Variants in CNTNAP2 observed in about 807,000 individuals in gnomAD.
CNTNAP2 encodes contactin associated protein 2.
CNTNAP2 carries 98 observed loss-of-function variants against 155.2 expected under a neutral mutation model. The ratio of observed to expected loss-of-function variants is 0.63; its 90% CI spans 0.54 to 0.75. CNTNAP2 has a LOEUF of 0.75. CNTNAP2 is among the 30% of genes least tolerant of loss of function. The pLI, the probability that CNTNAP2 is intolerant of heterozygous loss-of-function variation, is 0.00. For missense variants in CNTNAP2, 1,727 were observed against 1,688.1 expected, an observed-to-expected ratio of 1.02 and a Z score of -0.40; for synonymous variants, 651 against 631.2, an observed-to-expected ratio of 1.03 and a Z score of -0.47.
rs116456953 is a variant in CNTNAP2, at chr7:146,866,932, T to C, written c.402+27028T>C. 5.0e-3 allele frequency among the ~76,000 whole-genome samples: 757 copies of C among 152,252 alleles called. 5 individuals are homozygous for C. The highest frequency in any genetic ancestry group is 0.017 in the African/African-American group (714 of 41,566). ...TCTTCTAAAACATTGTAATATCATA[T>C]ATATTACATATCATTTTATAAACAT... On this transcript the variant is annotated intron_variant, in intron 3 of 23. Coordinates refer to ENST00000361727, the MANE Select transcript of CNTNAP2 (RefSeq NM_014141.6).
chr7:146,833,871 G>A (rs1329494163), intron 2 of CNTNAP2, among the ~76,000 whole-genome samples: 1 of 152,098 alleles, frequency 6.6e-6, no homozygotes, highest in African/African-American at 2.4e-5. Flanking sequence ...TGTGCATAGA[G>A]ATGTTTATCT....
At chr7:147,637,019 T>G (rs1795191992) in intron 12 of CNTNAP2, among the ~76,000 whole-genome samples, 1 of 151,850 alleles carries the variant, frequency 6.6e-6, no homozygotes, top group African/African-American at 2.4e-5. Context: ...GAATGAAAGG[T>G]CCATATGGCT....
chr7:146,193,466 A>G (rs900130748), intron 1 of CNTNAP2, among the ~76,000 whole-genome samples: 2 of 152,344 alleles, frequency 1.3e-5, no homozygotes, highest in Non-Finnish European at 2.9e-5. Flanking sequence ...TCAGTGCCAC[A>G]TGGAGGCTGC....
intron 1 of CNTNAP2, among the ~76,000 whole-genome samples, chr7:146,394,057 T>C (rs1442940060): frequency 6.6e-6 from 1 of 151,978 alleles, no homozygotes; most frequent in African/African-American, 2.4e-5. Flanking sequence ...TCCAAAGGAG[T>C]TGATAGATGT....
rs113337200 is a variant in CNTNAP2, at chr7:146,798,007, C to T, written c.208+23626C>T. Among the ~76,000 whole-genome samples the T allele has an allele frequency of 5.9e-4, 88 of 147,982 alleles. 4 individuals are homozygous for T. The highest frequency in any genetic ancestry group is 2.2e-3 in the African/African-American group (82 of 37,382). ...TGATATTTTTGGCCGAGTGTGGTGG[C>T]TTACAGCTGTAATCCCAGCACTTTG... On this transcript the variant is annotated intron_variant, in intron 2 of 23. Coordinates refer to ENST00000361727, the MANE Select transcript of CNTNAP2 (RefSeq NM_014141.6).
intron 9 of CNTNAP2, among the ~76,000 whole-genome samples, chr7:147,393,707 T>C (rs1479323000): frequency 6.6e-6 from 1 of 151,966 alleles, no homozygotes; most frequent in Non-Finnish European, 1.5e-5. Flanking sequence ...GAAAAAAATG[T>C]GGTTGACTAG....
At chr7:148,024,823 G>A (rs2116923145) in intron 15 of CNTNAP2, among the ~76,000 whole-genome samples, 1 of 152,292 alleles carries the variant, frequency 6.6e-6, no homozygotes, top group East Asian at 1.9e-4. Context: ...GGCCACACCA[G>A]AGAAGCCCCC....
intron 4 of CNTNAP2, among the ~76,000 whole-genome samples, chr7:147,079,958 C>G (rs988809419): frequency 4.9e-5 from 7 of 144,162 alleles, no homozygotes; most frequent in African/African-American, 1.8e-4. Flanking sequence ...TAAAAGGGCA[C>G]AAAGTTAGTA....
intron 15 of CNTNAP2, among the ~76,000 whole-genome samples, chr7:148,044,201 T>G: frequency 8.8e-6 from 1 of 114,210 alleles, no homozygotes; most frequent in South Asian, 3.1e-4. Context: ...TTACCTTAGG[T>G]TGTATTTTTT....
intron 1 of CNTNAP2, among the ~76,000 whole-genome samples, chr7:146,749,597 C>T (rs996398659): frequency 6.6e-6 from 1 of 152,148 alleles, no homozygotes. Flanking sequence ...TTAAATGTCA[C>T]TATGTTTTAC....
chr7:146,412,568 G>GT (rs1398448588), intron 1 of CNTNAP2, among the ~76,000 whole-genome samples: 1 of 152,194 alleles, frequency 6.6e-6, no homozygotes, highest in Non-Finnish European at 1.5e-5. Flanking sequence ...TCTACCACTT[G>GT]TGAGATTTAT....
At chr7:147,244,784 G>T (rs1804020122) in intron 8 of CNTNAP2, among the ~76,000 whole-genome samples, 1 of 152,088 alleles carries the variant, frequency 6.6e-6, no homozygotes, top group African/African-American at 2.4e-5. Flanking sequence ...ACTTCCTATT[G>T]CCCATATATT....
chr7:146,380,740 C>T (rs962889925), intron 1 of CNTNAP2, among the ~76,000 whole-genome samples: 16 of 138,144 alleles, frequency 1.2e-4, no homozygotes, highest in South Asian at 2.4e-4. Flanking sequence ...ACATATGTTA[C>T]TAACTTCAAA....
At chr7:147,620,859 G>T (rs563553230) in intron 12 of CNTNAP2, among the ~76,000 whole-genome samples, 1 of 152,176 alleles carries the variant, frequency 6.6e-6, no homozygotes, top group East Asian at 1.9e-4. Flanking sequence ...CCTAGGGAAA[G>T]ATATCAATAT....
In CNTNAP2 at chr7:147,083,581, T is replaced by C. The variant is rs1366635274; in HGVS notation, c.551-24566T>C. Among the ~76,000 whole-genome samples, 4 of 136,636 alleles carry C rather than the reference T, an allele frequency of 2.9e-5. No individual in the cohort carries two copies. The South Asian group carries it at 8.5e-4, about 29-fold the overall frequency. The allele number at this position is 136,636 out of a possible 152,430, so 89.6% of individuals were successfully genotyped here. A position where few individuals can be genotyped will look rare whatever the true frequency, so the allele number is the denominator to read the frequency against. On this transcript the variant is annotated intron_variant, in intron 4 of 23. Coordinates refer to ENST00000361727, the MANE Select transcript of CNTNAP2 (RefSeq NM_014141.6). Reference sequence around the variant, plus strand: ...ATATATATACACATATATATGTATATATATATACACACACACGTCTATAAT... The same window carrying C: ...ATATATATACACATATATATGTATACATATATACACACACACGTCTATAAT...
At chr7:146,174,369 A>C (rs1258333470) in intron 1 of CNTNAP2, among the ~76,000 whole-genome samples, 1 of 152,046 alleles carries the variant, frequency 6.6e-6, no homozygotes, top group East Asian at 2.0e-4. Context: ...GGCCAGGAGC[A>C]GTGGCCACAC....
intron 4 of CNTNAP2, among the ~76,000 whole-genome samples, chr7:147,095,015 TA>T (rs1442553305): frequency 6.6e-6 from 1 of 151,728 alleles, no homozygotes; most frequent in Non-Finnish European, 1.5e-5. Flanking sequence ...GGGGCAACTT[TA>T]TTTTTTTTGT....
chr7:146,941,620 G>A (rs1310876792), intron 3 of CNTNAP2, among the ~76,000 whole-genome samples: 3 of 152,022 alleles, frequency 2.0e-5, no homozygotes, highest in Non-Finnish European at 4.4e-5. Flanking sequence ...GTTAATCTTA[G>A]TGTCCTGTTC....
chr7:148,103,159 G>A (rs2116584039), intron 15 of CNTNAP2, among the ~76,000 whole-genome samples: 1 of 150,910 alleles, frequency 6.6e-6, no homozygotes, highest in Middle Eastern at 3.5e-3. Flanking sequence ...TTTGAGTTGT[G>A]TCTGTCCTTT....
Sources: allele counts gnomAD v4.1 joint callset (sites outside exome capture counted in the v4.1 genomes callset), GRCh38; gene constraint gnomAD v4.1.1; transcripts MANE v1.5; gene names NCBI Gene and HGNC (gene_info 2026-07-23, HGNC 2026-07-21).